TMEM232: variants seen among roughly 807,000 people sequenced by gnomAD.
TMEM232 encodes the protein transmembrane protein 232.
Under a neutral mutation model 78.8 loss-of-function variants are expected in TMEM232, and 80 were observed. The observed-to-expected ratio is 1.01, with a 90% CI of 0.85 to 1.22. The LOEUF is 1.22. Ranked by LOEUF, TMEM232 falls within the 50% of genes most tolerant of loss-of-function variation. The pLI is 0.00. For synonymous variants in TMEM232, 297 were observed against 254.3 expected (o/e 1.17, Z -1.60); for missense variants, 881 against 742.2 (o/e 1.19, Z -2.17).
chr5:110,596,056 C>T (rs942477162), intron 10 of TMEM232, among the ~76,000 whole-genome samples: 1 of 152,062 alleles, frequency 6.6e-6, no homozygotes, highest in African/African-American at 2.4e-5. Context: ...AAGGGAAGCC[C>T]ATCAGACTAA....
upstream of TMEM232, among the ~76,000 whole-genome samples, chr5:110,729,120 G>T (rs980146659): frequency 1.3e-5 from 2 of 151,916 alleles, no homozygotes; most frequent in Non-Finnish European, 1.5e-5. Context: ...CCTGACCTCA[G>T]GTAATCCACC....
chr5:110,443,181 C>A (rs1759258203), intron 12 of TMEM232, among the ~76,000 whole-genome samples: 1 of 152,158 alleles, frequency 6.6e-6, no homozygotes, highest in African/African-American at 2.4e-5. Context: ...ATTGTGCTCC[C>A]CCCGCTCCTG....
intron 11 of TMEM232, among the ~76,000 whole-genome samples, chr5:110,542,302 T>C (rs372147207): frequency 6.6e-6 from 1 of 152,218 alleles, no homozygotes; most frequent in African/African-American, 2.4e-5. Flanking sequence ...ACTTCCTTTG[T>C]ACTAACTAAG....
chr5:110,568,274 A>G (rs1188836546), intron 11 of TMEM232, among the ~76,000 whole-genome samples, 173 bp downstream of exon 11: 1 of 151,814 alleles, frequency 6.6e-6, no homozygotes, highest in Non-Finnish European at 1.5e-5. Context: ...CTAGAGCTCA[A>G]CTCTCCTATC....
chr5:110,596,043 A>G (rs1780117999), intron 10 of TMEM232, among the ~76,000 whole-genome samples: 1 of 152,220 alleles, frequency 6.6e-6, no homozygotes, highest in African/African-American at 2.4e-5. Context: ...CAGGTTACCT[A>G]CGAAGGGAAG....
At chr5:110,720,956 A>G (rs1797528473) in intron 1 of TMEM232, 2 of 152,172 alleles carry the variant, frequency 1.3e-5, no homozygotes, top group African/African-American at 4.8e-5. Context: ...AAAGTGAGAT[A>G]TAGTGAGATG....
chr5:110,727,843 T>C (rs1486942538), upstream of TMEM232, among the ~76,000 whole-genome samples: 2 of 152,104 alleles, frequency 1.3e-5, no homozygotes, highest in African/African-American at 4.8e-5. Flanking sequence ...TAATGAAAAG[T>C]GAAATTGACA....
chr5:110,405,586 A>G (rs1755759385), intron 2 of TMEM232, among the ~76,000 whole-genome samples: 1 of 151,718 alleles, frequency 6.6e-6, no homozygotes, highest in African/African-American at 2.4e-5. Flanking sequence ...GTAAAATAAA[A>G]AAAATTGATT....
intron 11 of TMEM232, among the ~76,000 whole-genome samples, chr5:110,558,893 T>C (rs763572393): frequency 3.9e-5 from 6 of 152,128 alleles, no homozygotes; most frequent in Non-Finnish European, 8.8e-5. Context: ...ACCCCACCTC[T>C]AGGGGCCGTC....
intron 1 of TMEM232, among the ~76,000 whole-genome samples, chr5:110,721,654 C>G (rs1797618207): frequency 1.0e-4 from 1 of 9,918 alleles, no homozygotes; most frequent in Non-Finnish European, 3.5e-4. Context: ...GTCTGCATAT[C>G]ATGTGTGTGT....
chr5:110,620,231 C>T (rs563088493), intron 7 of TMEM232, among the ~76,000 whole-genome samples: 20 of 152,262 alleles, frequency 1.3e-4, no homozygotes, highest in African/African-American at 4.3e-4. Flanking sequence ...ATTTGACATA[C>T]TATTACAAGC....
At chr5:110,485,024 A>G (rs1461606337) in intron 12 of TMEM232, among the ~76,000 whole-genome samples, 1 of 152,156 alleles carries the variant, frequency 6.6e-6, no homozygotes, top group Non-Finnish European at 1.5e-5. Context: ...AAACACTTCT[A>G]CATTGTTGGT....
intron 1 of TMEM232, among the ~76,000 whole-genome samples, chr5:110,698,626 A>T (rs1426216964): frequency 6.6e-6 from 1 of 152,008 alleles, no homozygotes; most frequent in Non-Finnish European, 1.5e-5. Context: ...CTGGGTTTAC[A>T]TGGTGGGTTA....
chr5:110,478,098 T>C (rs1356624386), intron 12 of TMEM232, among the ~76,000 whole-genome samples: 3 of 151,910 alleles, frequency 2.0e-5, no homozygotes, highest in African/African-American at 4.8e-5. Context: ...AAGAATTGCA[T>C]CTTTTATTCT....
chr5:110,583,726 C>T (rs1240212637), intron 10 of TMEM232, among the ~76,000 whole-genome samples: 1 of 151,520 alleles, frequency 6.6e-6, no homozygotes, highest in Non-Finnish European at 1.5e-5. Flanking sequence ...ATTATATTTG[C>T]AGACATCTAT....
At chr5:110,583,854 T>A (rs996496192) in intron 10 of TMEM232, among the ~76,000 whole-genome samples, 1 of 148,762 alleles carries the variant, frequency 6.7e-6, no homozygotes, top group African/African-American at 2.5e-5. Context: ...CAAAGAAACA[T>A]AGAAGTAGCC....
chr5:110,506,436 GA>G (rs1766917714), intron 12 of TMEM232, among the ~76,000 whole-genome samples: 1 of 152,114 alleles, frequency 6.6e-6, no homozygotes, highest in Admixed American at 6.6e-5. Context: ...AATGGACTGA[GA>G]AAACAGTATT....
At chr5:110,670,995 T>C (rs1791282104) in intron 1 of TMEM232, among the ~76,000 whole-genome samples, 1 of 151,942 alleles carries the variant, frequency 6.6e-6, no homozygotes, top group African/African-American at 2.4e-5. Context: ...TTAGCTAAAC[T>C]AGGAAAAGAA....
chr5:110,732,922 A>C (rs1798815800), intron 2 of TMEM232, among the ~76,000 whole-genome samples: 1 of 152,232 alleles, frequency 6.6e-6, no homozygotes, highest in African/African-American at 2.4e-5. Flanking sequence ...CAAACTGTGT[A>C]CCTGACAAAA....
Sources: gnomAD v4.1 joint callset for allele counts (sites outside exome capture counted in the v4.1 genomes callset) on GRCh38, gnomAD v4.1.1 for gene constraint, MANE v1.5 for transcripts, NCBI Gene and HGNC (gene_info 2026-07-23, HGNC 2026-07-21) for gene names.